NAP1L1: variants seen among roughly 807,000 people sequenced by gnomAD.
The protein encoded by NAP1L1 is nucleosome assembly protein 1 like 1.
Under a neutral mutation model 58.9 loss-of-function variants are expected in NAP1L1, and 9 were observed. That is an observed-to-expected ratio of 0.15 (90% CI 0.09 to 0.27). NAP1L1 has a LOEUF of 0.27. NAP1L1 is among the 10% of genes least tolerant of loss of function. The probability of loss-of-function intolerance (pLI) is 1.00; values close to 1 mark genes in which losing one functional copy is unlikely to be tolerated. For synonymous variants in NAP1L1, 130 were observed against 138.3 expected (o/e 0.94, Z 0.42); for missense variants, 302 against 458.8 (o/e 0.66, Z 3.12).
intron 13 of NAP1L1, 42 bp from the exon 14 acceptor site, chr12:76,049,292 G>C: frequency 1.2e-6 from 2 of 1,612,356 alleles, no homozygotes; most frequent in Non-Finnish European, 1.7e-6. Flanking sequence ...TATGTACATA[G>C]TAGGTAAACT....
At chr12:76,061,422 C>A (rs1015055758) in intron 4 of NAP1L1, among the ~76,000 whole-genome samples, 7 of 152,174 alleles carry the variant, frequency 4.6e-5, no homozygotes, top group African/African-American at 1.7e-4. Flanking sequence ...AGGATAATAG[C>A]CTCTAGCTCC....
intron 1 of NAP1L1, among the ~76,000 whole-genome samples, chr12:76,076,549 AATATATATATAT>A (rs58649228): frequency 0.018 from 2,135 of 120,560 alleles, 61 homozygotes; most frequent in African/African-American, 0.03. Context: ...TGGATATGGA[AATATATATATAT>A]ATATATATAT....
chr12:76,070,403 C>T (rs956028237), intron 2 of NAP1L1, among the ~76,000 whole-genome samples: 6 of 152,188 alleles, frequency 3.9e-5, no homozygotes, highest in African/African-American at 1.4e-4. Flanking sequence ...CCACCACGCC[C>T]AGCCTATTTC....
intron 6 of NAP1L1, chr12:76,057,871 AC>A: frequency 6.8e-7 from 1 of 1,465,378 alleles, no homozygotes; most frequent in Non-Finnish European, 9.4e-7. Context: ...CAAAGACGGT[AC>A]CACAAAAGGT....
rs765375987 is a variant in NAP1L1, at chr12:76,055,140, G to A, written c.559-50C>T. 17 of 1,320,240 alleles carry A rather than the reference G, an allele frequency of 1.3e-5. No homozygotes were observed. In the African/African-American group the frequency reaches 2.2e-4, roughly 17 times the overall value. The allele number at this position is 1,320,240 out of a possible 1,614,324, so 81.8% of individuals were successfully genotyped here. On this transcript the variant is annotated intron_variant, in intron 7 of 14. Coordinates refer to ENST00000618691, the MANE Select transcript of NAP1L1 (RefSeq NM_004537.7). ...ATGAATAACATGGCATTCGAGGACT[G>A]TGTTCTGTTACTACACAAACACCAG...
rs755871387 is a variant in NAP1L1 at position 76,038,898 on chromosome 12, A to C, written c.*9531T>G. 1 of 152,198 alleles carries C rather than the reference A, an allele frequency of 6.6e-6. No individual in the cohort carries two copies. Among genetic ancestry groups the C allele is most frequent in the African/African-American group, 2.4e-5 (1 of 41,444 alleles). The allele number at this position is 152,198 out of a possible 1,614,324, so 9.4% of individuals were successfully genotyped here. A position where few individuals can be genotyped will look rare whatever the true frequency, so the allele number is the denominator to read the frequency against. ...TTGTTTCTAATGAGATTTCATTTACACTTTTAAGTCATTGTCTCAACCTAA... is the reference window on the plus strand; with the variant it reads ...TTGTTTCTAATGAGATTTCATTTACCCTTTTAAGTCATTGTCTCAACCTAA... On this transcript the variant is annotated 3_prime_UTR_variant, in exon 15 of 15. Coordinates refer to ENST00000618691, the MANE Select transcript of NAP1L1 (RefSeq NM_004537.7).
rs1039260948 is a variant in NAP1L1 at position 76,046,986 on chromosome 12, A to C, written c.*1443T>G. On this transcript the variant is annotated 3_prime_UTR_variant, in exon 15 of 15. Transcript: ENST00000618691. ...AATCTTGGACCTTGTGAAATAGTGC[A>C]TCCCTCCACTTCTATAAAAATAGGA... 15 of 152,444 alleles carry C rather than the reference A, an allele frequency of 9.8e-5. No individual in the cohort carries two copies. The highest frequency in any genetic ancestry group is 8.5e-4 in the Admixed American group (13 of 15,258). 9.4% of individuals were successfully genotyped at this position (152,444 alleles called of 1,614,324 possible). A position where few individuals can be genotyped will look rare whatever the true frequency, so the allele number is the denominator to read the frequency against.
chr12:76,049,805 T>G lies in NAP1L1; in HGVS notation c.1060-20A>C. 6.2e-7 allele frequency: 1 copy of G among 1,612,296 alleles called. No individual in the cohort carries two copies. The highest frequency in any genetic ancestry group is 8.5e-7 in the Non-Finnish European group (1 of 1,179,202). On this transcript the variant is annotated intron_variant, in intron 12 of 14. Coordinates refer to ENST00000618691, the MANE Select transcript of NAP1L1 (RefSeq NM_004537.7). ...ATCATACTGAAAAGGAAAAACAGCG[T>G]TAAGTGTTGAGTGAATGTAACACAC...
At chr12:76,082,736 C>T (rs867714028) in intron 1 of NAP1L1, among the ~76,000 whole-genome samples, 2 of 152,244 alleles carry the variant, frequency 1.3e-5, no homozygotes, top group East Asian at 1.9e-4. Flanking sequence ...CTGTAAAAGT[C>T]ATTTACTTCC....
At chr12:76,062,183 A>G (rs1297883077) in intron 4 of NAP1L1, among the ~76,000 whole-genome samples, 2 of 152,224 alleles carry the variant, frequency 1.3e-5, no homozygotes, top group Non-Finnish European at 2.9e-5. Flanking sequence ...CACGGTTCAA[A>G]GCCTTCAAAC....
Position 76,043,022 on chromosome 12 carries a change from C to A in NAP1L1, c.*5407G>T, listed in dbSNP as rs894441062. On this transcript the variant is annotated 3_prime_UTR_variant, in exon 15 of 15. Coordinates refer to ENST00000618691, the MANE Select transcript of NAP1L1 (RefSeq NM_004537.7). ...TCACTGCAGATAAAACTTTATTCAG[C>A]AATTTTTTTAAATAAAGCTTTTGTT... is the stretch of plus-strand genomic sequence containing the variant. 6.6e-6 allele frequency: 1 copy of A among 152,186 alleles called. No individual in the cohort carries two copies. The highest frequency in any genetic ancestry group is 2.4e-5 in the African/African-American group (1 of 41,438). The allele number at this position is 152,186 out of a possible 1,614,324, so 9.4% of individuals were successfully genotyped here.
intron 1 of NAP1L1, among the ~76,000 whole-genome samples, chr12:76,083,356 A>G (rs115914822): frequency 2.0e-5 from 3 of 149,534 alleles, no homozygotes; most frequent in African/African-American, 7.4e-5. Context: ...CAAACATTTT[A>G]TTTTCATCTA....
intron 11 of NAP1L1, among the ~76,000 whole-genome samples, chr12:76,051,988 TG>T (rs1948856358): frequency 6.6e-6 from 1 of 151,932 alleles, no homozygotes; most frequent in Admixed American, 6.6e-5. Flanking sequence ...CACTCCAGCC[TG>T]GATGACAGAG....
chr12:76,050,021 AG>A (rs1948746545), intron 12 of NAP1L1, among the ~76,000 whole-genome samples: 1 of 152,208 alleles, frequency 6.6e-6, no homozygotes, highest in African/African-American at 2.4e-5. Context: ...TGATCAGACA[AG>A]TATTACTGTA....
At chr12:76,056,857 CA>C in intron 6 of NAP1L1, 1 of 307,696 alleles carries the variant, frequency 3.2e-6, no homozygotes, top group Non-Finnish European at 6.5e-6. Flanking sequence ...ACTAAAAGTA[CA>C]AAAAATTAGT....
In NAP1L1 at chr12:76,038,210, C is replaced by T. The variant is rs1157569075; in HGVS notation, c.*10219G>A. 6.6e-6 allele frequency: 1 copy of T among 152,154 alleles called. No individual in the cohort carries two copies. Among genetic ancestry groups the T allele is most frequent in the Middle Eastern group, 3.2e-3 (1 of 316 alleles). The allele number at this position is 152,154 out of a possible 1,614,324, so 9.4% of individuals were successfully genotyped here. A position where few individuals can be genotyped will look rare whatever the true frequency, so the allele number is the denominator to read the frequency against. On this transcript the variant is annotated 3_prime_UTR_variant, in exon 15 of 15. Transcript: ENST00000618691. ...ATACCCCAGTAACTAAGAGTGGAAG[C>T]AATCCTCTGTCCCCACTGAAGAGCC... is the stretch of plus-strand genomic sequence containing the variant.
rs1296531353 is a variant in NAP1L1 at position 76,041,559 on chromosome 12, TA to T, written c.*6869del. On this transcript the variant is annotated 3_prime_UTR_variant, in exon 15 of 15. Coordinates refer to ENST00000618691, the MANE Select transcript of NAP1L1 (RefSeq NM_004537.7). ...AAGTCCACTCACCAAGCCAAATGAA[TA>T]GCAAAGACAACAGTTCCAGCCTCCA... 2 of 152,138 alleles carry T rather than the reference TA, an allele frequency of 1.3e-5. No individual in the cohort carries two copies. Among genetic ancestry groups the T allele is most frequent in the African/African-American group, 4.8e-5 (2 of 41,434 alleles). The allele number at this position is 152,138 out of a possible 1,614,324, so 9.4% of individuals were successfully genotyped here. A position where few individuals can be genotyped will look rare whatever the true frequency, so the allele number is the denominator to read the frequency against.
At chr12:76,060,705 ATTT>A (rs1364519950) in intron 4 of NAP1L1, among the ~76,000 whole-genome samples, 1 of 152,156 alleles carries the variant, frequency 6.6e-6, no homozygotes, top group Non-Finnish European at 1.5e-5. Flanking sequence ...ACACACCATT[ATTT>A]TTTTAGTCTC....
chr12:76,039,255 A>T lies in NAP1L1; in HGVS notation c.*9174T>A, dbSNP rs1948528263. ...GCATAAACCATAGGTTCTTCTTTTT[A>T]CAGGAGAGGTTGGATGCCAGTAGCC... On this transcript the variant is annotated 3_prime_UTR_variant, in exon 15 of 15. Coordinates refer to ENST00000618691, the MANE Select transcript of NAP1L1 (RefSeq NM_004537.7). 1 of 152,138 alleles carries T rather than the reference A, an allele frequency of 6.6e-6. No homozygotes were observed. Among genetic ancestry groups the T allele is most frequent in the African/African-American group, 2.4e-5 (1 of 41,440 alleles). The allele number at this position is 152,138 out of a possible 1,614,324, so 9.4% of individuals were successfully genotyped here.
Sources: gnomAD v4.1 joint callset for allele counts (sites outside exome capture counted in the v4.1 genomes callset) on GRCh38, gnomAD v4.1.1 for gene constraint, MANE v1.5 for transcripts, NCBI Gene and HGNC (gene_info 2026-07-23, HGNC 2026-07-21) for gene names.